Variants in CEACAM16 observed in about 807,000 individuals in gnomAD.
The protein encoded by CEACAM16 is cell adhesion molecule CEACAM16.
CEACAM16 carries 30 observed loss-of-function variants against 39.4 expected under a neutral mutation model. The ratio of observed to expected loss-of-function variants is 0.76; its 90% CI spans 0.57 to 1.03. CEACAM16 has a LOEUF of 1.03. CEACAM16 is among the 50% of genes least tolerant of loss of function. The probability of loss-of-function intolerance (pLI) is 0.00; values close to 1 mark genes in which losing one functional copy is unlikely to be tolerated. For missense variants in CEACAM16, 521 were observed against 585.3 expected, an observed-to-expected ratio of 0.89 and a Z score of 1.13; for synonymous variants, 262 against 264.9, an observed-to-expected ratio of 0.99 and a Z score of 0.11.
chr19:44,707,827 C>T (rs1039735392), intron 5 of CEACAM16, 34 bp from the exon 6 acceptor site: 6 of 1,471,970 alleles, frequency 4.1e-6, no homozygotes, highest in East Asian at 2.5e-5. Context: ...CAGATGCAGA[C>T]CAAACTGACC....
At chr19:44,700,798 G>T (rs966318493) in intron 1 of CEACAM16, among the ~76,000 whole-genome samples, 2 of 152,218 alleles carry the variant, frequency 1.3e-5, no homozygotes, top group African/African-American at 4.8e-5. Context: ...AAGAAGGAGA[G>T]CCCCAAAGAA....
chr19:44,699,558 G>A (rs1974311628), intron 1 of CEACAM16: 1 of 383,630 alleles, frequency 2.6e-6, no homozygotes, highest in East Asian at 7.2e-5. Context: ...TGTATTTTTA[G>A]TAGAGACAGG....
rs375711025 is a variant in CEACAM16, at chr19:44,705,708, C to G, written c.780C>G (p.Pro260=). ...LWCVSRSCPE[P]EYVWTFNGQA... is the part of the protein sequence containing the mutation. ...GCGTGTCCAGGTCCTGCCCAGAGCC[C>G]GAGTATGTGTGGACCTTCAACGGGC... is the stretch of plus-strand genomic sequence containing the variant. The change falls in exon 5 of 7, where the codon CCC becomes CCG. Residue 260 remains proline, a synonymous_variant. Transcript: ENST00000587331. 1.2e-6 allele frequency: 2 copies of G among 1,613,920 alleles called. No homozygotes were observed. The highest frequency in any genetic ancestry group is 1.7e-6 in the Non-Finnish European group (2 of 1,179,854).
chr19:44,706,269 TAC>T (rs57354088), intron 5 of CEACAM16, among the ~76,000 whole-genome samples: 13,005 of 132,350 alleles, frequency 0.098, 803 homozygotes, highest in East Asian at 0.2. Context: ...ATGATGGGTA[TAC>T]ACACACACAC....
At chr19:44,705,541 A>T (rs1210510285) in intron 4 of CEACAM16, 49 bp from the exon 5 acceptor site, 2 of 1,536,002 alleles carry the variant, frequency 1.3e-6, no homozygotes, top group Non-Finnish European at 1.8e-6. Context: ...ACCAACCTCC[A>T]CTCCTCCTTC....
Position 44,700,967 on chromosome 19 carries a change from T to G in CEACAM16, c.-96-394T>G, listed in dbSNP as rs182432730. Reference sequence around the variant, plus strand: ...CCTAAAGGTGCCCACTTTACAGGGTTGTTTTGCCATCCGCTGAGACAACAC... The same window carrying G: ...CCTAAAGGTGCCCACTTTACAGGGTGGTTTTGCCATCCGCTGAGACAACAC... On this transcript the variant is annotated intron_variant, in intron 1 of 6. Coordinates refer to ENST00000587331, the MANE Select transcript of CEACAM16 (RefSeq NM_001039213.4). Among the ~76,000 whole-genome samples the G allele has an allele frequency of 5.3e-5, 8 of 152,304 alleles. No individual in the cohort carries two copies. In the East Asian group the frequency reaches 1.4e-3, roughly 26 times the overall value.
chr19:44,704,657 C>T (rs190405155), intron 4 of CEACAM16, among the ~76,000 whole-genome samples: 152 of 151,984 alleles, frequency 1.0e-3, no homozygotes, highest in African/African-American at 3.4e-3. Flanking sequence ...CCTTGAGCCC[C>T]GGAGGCCGAG....
At position 44,701,259 on chromosome 19, in the gene CEACAM16, C is replaced by A; in HGVS notation, c.-96-102C>A. On this transcript the variant is annotated intron_variant, in intron 1 of 6. Transcript: ENST00000587331. The surrounding 1 kb of genome is among the most constrained non-coding windows in gnomAD (Gnocchi z 4.0). ...GTCACGGCCTCTGGCCGGTGCCCGC[C>A]ACACCCACCCTGGTACCCAAACCGG... 1 of 675,562 alleles carries A rather than the reference C, an allele frequency of 1.5e-6. No individual in the cohort carries two copies. Among genetic ancestry groups the A allele is most frequent in the South Asian group, 1.7e-5 (1 of 58,054 alleles). 41.8% of individuals were successfully genotyped at this position (675,562 alleles called of 1,614,324 possible). A position where few individuals can be genotyped will look rare whatever the true frequency, so the allele number is the denominator to read the frequency against.
Position 44,705,595 on chromosome 19 carries a change from C to A in CEACAM16, c.667C>A (p.Pro223Thr), listed in dbSNP as rs200359614. The A allele has an allele frequency of 1.3e-6, 2 of 1,599,146 alleles. No individual in the cohort carries two copies. Among genetic ancestry groups the A allele is most frequent in the Middle Eastern group, 1.7e-4 (1 of 5,996 alleles). ...TCTCCCTCCTGCCCCCACAGTTGGCCCAGAGCGTGTGGCCATCCTCCAGGA... is the reference window on the plus strand; with the variant it reads ...TCTCCCTCCTGCCCCCACAGTTGGCACAGAGCGTGTGGCCATCCTCCAGGA... ...EPINLTVYFG[P>T]ERVAILQDST... is the part of the protein sequence containing the mutation. Residue 223 changes from proline (P) to threonine (T), a missense_variant, in exon 5 of 7, where the codon CCA becomes ACA. Pro to Thr is a conservative substitution (Grantham distance 38). Coordinates refer to ENST00000587331, the MANE Select transcript of CEACAM16 (RefSeq NM_001039213.4).
intron 6 of CEACAM16, among the ~76,000 whole-genome samples, chr19:44,710,031 G>A (rs1974513787): frequency 6.6e-6 from 1 of 152,104 alleles, no homozygotes; most frequent in African/African-American, 2.4e-5. Context: ...AGACACTGGG[G>A]ATGAGATCAT....
intron 2 of CEACAM16, among the ~76,000 whole-genome samples, chr19:44,702,740 AC>A (rs1974368296): frequency 2.0e-5 from 3 of 152,268 alleles, no homozygotes; most frequent in Non-Finnish European, 2.9e-5. Flanking sequence ...CTGACATCCT[AC>A]GTGGGGCCAT....
rs58843691 is a variant in CEACAM16 at position 44,705,292 on chromosome 19, G to GAA, written c.662-289_662-288dup. ...CTACACTCTTAGAATGGCTTTGTCA[G>GAA]AAAAAAAAAATCATTTAGGCTTTTT... On this transcript the variant is annotated intron_variant, in intron 4 of 6. Coordinates refer to ENST00000587331, the MANE Select transcript of CEACAM16 (RefSeq NM_001039213.4). 2.7e-4 allele frequency among the ~76,000 whole-genome samples: 41 copies of GAA among 149,702 alleles called. 1 individual carries two copies. The highest frequency in any genetic ancestry group is 7.8e-4 in the East Asian group (4 of 5,120).
At chr19:44,710,217 T>C (rs968443242) in intron 6 of CEACAM16, among the ~76,000 whole-genome samples, 1 of 152,208 alleles carries the variant, frequency 6.6e-6, no homozygotes, top group Non-Finnish European at 1.5e-5. Flanking sequence ...TCTGGGTCAG[T>C]GTTAGGGGAG....
chr19:44,703,092 C>A (rs1253760867), intron 2 of CEACAM16, among the ~76,000 whole-genome samples: 1 of 152,182 alleles, frequency 6.6e-6, no homozygotes, highest in Non-Finnish European at 1.5e-5. Context: ...GACCTGTCAT[C>A]CCCATGTGAG....
intron 1 of CEACAM16, among the ~76,000 whole-genome samples, chr19:44,699,669 G>A (rs1163184151): frequency 2.6e-5 from 4 of 152,018 alleles, no homozygotes; most frequent in East Asian, 1.9e-4. Flanking sequence ...GAGCCACTGC[G>A]TCCGGCCATG....
In CEACAM16 at chr19:44,705,522, A is replaced by G. The variant is rs1974428952; in HGVS notation, c.662-68A>G. 13 of 1,493,514 alleles carry G rather than the reference A, an allele frequency of 8.7e-6. No homozygotes were observed. In the South Asian group the frequency reaches 1.5e-4, roughly 17 times the overall value. 92.5% of individuals were successfully genotyped at this position (1,493,514 alleles called of 1,614,324 possible). Reference sequence around the variant, plus strand: ...AGGGACCTAGCTTGGTGGAGAGAAAACCAGGGGTACCAACCTCCACTCCTC... The same window carrying G: ...AGGGACCTAGCTTGGTGGAGAGAAAGCCAGGGGTACCAACCTCCACTCCTC... On this transcript the variant is annotated intron_variant, in intron 4 of 6. Transcript: ENST00000587331.
rs556870058 is a variant in CEACAM16, at chr19:44,707,877, G to C, written c.957G>C (p.Thr319=). 3 of 1,548,782 alleles carry C rather than the reference G, an allele frequency of 1.9e-6. No homozygotes were observed. The highest frequency in any genetic ancestry group is 3.6e-5 in the Admixed American group (2 of 55,150). ...TCTCCCCAGCTGCAGCAGTTGCCAC[G>C]ATGATCGTGCCCGTGCCCACCAAGC... ...VVKLSAAAVA[T]MIVPVPTKPT... is the part of the protein sequence containing the mutation. Residue 319 remains threonine (T), a synonymous_variant, in exon 6 of 7, where the codon ACG becomes ACC. Coordinates refer to ENST00000587331, the MANE Select transcript of CEACAM16 (RefSeq NM_001039213.4).
chr19:44,706,311 C>CACACACACACA (rs1281348741), intron 5 of CEACAM16, among the ~76,000 whole-genome samples: 1 of 146,136 alleles, frequency 6.8e-6, no homozygotes, highest in African/African-American at 2.6e-5. Flanking sequence ...CACACACACA[C>CACACACACACA]AACTGAAGAA....
Position 44,703,337 on chromosome 19 carries a change from C to A in CEACAM16, c.38-12C>A. 1 of 1,603,828 alleles carries A rather than the reference C, an allele frequency of 6.2e-7. No homozygotes were observed. Among genetic ancestry groups the A allele is most frequent in the Non-Finnish European group, 8.5e-7 (1 of 1,172,878 alleles). On this transcript the variant is annotated splice_polypyrimidine_tract_variant and intron_variant, in intron 2 of 6. Coordinates refer to ENST00000587331, the MANE Select transcript of CEACAM16 (RefSeq NM_001039213.4). ...CCTGCCTCATCCAACCCCTCTGACT[C>A]CTCTTCCTCAGCCACATTCCTGAAT...
Sources: gnomAD v4.1 joint callset for allele counts (sites outside exome capture counted in the v4.1 genomes callset) on GRCh38, gnomAD v4.1.1 for gene constraint, Gnocchi (gnomAD v3.1) non-coding constraint, MANE v1.5 for transcripts, NCBI Gene and HGNC (gene_info 2026-07-23, HGNC 2026-07-21) for gene names.